The following VRK2 variants were observed in gnomAD, a reference collection of about 807,000 sequenced individuals.
VRK2 encodes VRK serine/threonine kinase 2.
VRK2 carries 60 observed loss-of-function variants against 57.6 expected under a neutral mutation model. The observed-to-expected ratio is 1.04, with a 90% CI of 0.85 to 1.29. The LOEUF (loss-of-function observed/expected upper bound fraction) is 1.29, where lower values mean the gene tolerates loss of function less well. Among genes scored for constraint, VRK2 ranks in the 50% most tolerant of loss-of-function variants. The probability of loss-of-function intolerance (pLI) is 0.00; values close to 1 mark genes in which losing one functional copy is unlikely to be tolerated. For missense variants in VRK2, 705 were observed against 588.1 expected (o/e 1.20, Z -2.06); for synonymous variants, 231 against 199.2 (o/e 1.16, Z -1.35).
chr2:57,955,104 G>C (rs938331906), intron 1 of VRK2, among the ~76,000 whole-genome samples: 7 of 152,144 alleles, frequency 4.6e-5, no homozygotes, highest in African/African-American at 1.7e-4. Context: ...GAATAGGATA[G>C]AAGATATGAG....
intron 1 of VRK2, among the ~76,000 whole-genome samples, chr2:57,962,055 C>A (rs1178463716): frequency 6.6e-6 from 1 of 152,122 alleles, no homozygotes; most frequent in Non-Finnish European, 1.5e-5. Context: ...CCAACCTGGG[C>A]AACAGAGTGA....
At chr2:58,016,114 T>C (rs76590049) in intron 1 of VRK2, among the ~76,000 whole-genome samples, 2,484 of 152,256 alleles carry the variant, frequency 0.016, 74 homozygotes, top group African/African-American at 0.057. Context: ...TCTTTTATCT[T>C]GGGCAAGTTG....
At chr2:57,991,754 T>C (rs1672773550) in intron 1 of VRK2, among the ~76,000 whole-genome samples, 1 of 148,632 alleles carries the variant, frequency 6.7e-6, no homozygotes, top group East Asian at 2.0e-4. Context: ...GAGACTATCC[T>C]GGCCAACATG....
At position 57,978,815 on chromosome 2, in the gene VRK2, A is replaced by G. The variant is rs553501517; in HGVS notation, c.-438-46850A>G. ...GTTCCCTCCCCTCACCCCCGACCCT[A>G]CAACAGGCCCTGGTGTATGTTGTTC... On this transcript the variant is annotated intron_variant, in intron 1 of 15. Coordinates refer to the VRK2 transcript ENST00000417641. 1.3e-3 allele frequency among the ~76,000 whole-genome samples: 192 copies of G among 149,988 alleles called. 1 individual carries two copies. Among genetic ancestry groups the G allele is most frequent in the Non-Finnish European group, 1.7e-3 (117 of 67,826 alleles).
chr2:58,101,317 T>G (rs549033941), intron 7 of VRK2, among the ~76,000 whole-genome samples: 1 of 151,808 alleles, frequency 6.6e-6, no homozygotes, highest in East Asian at 1.9e-4. Flanking sequence ...CACTTTTAAA[T>G]TTTTTATCTA....
At chr2:57,961,190 T>G (rs898387354) in intron 1 of VRK2, among the ~76,000 whole-genome samples, 3 of 152,246 alleles carry the variant, frequency 2.0e-5, no homozygotes, top group African/African-American at 7.2e-5. Context: ...TCTATCATTA[T>G]CATTAGCATA....
intron 7 of VRK2, among the ~76,000 whole-genome samples, chr2:58,113,115 C>G (rs893216480): frequency 3.3e-5 from 5 of 151,982 alleles, no homozygotes; most frequent in African/African-American, 1.2e-4. Context: ...TCCAGACTAG[C>G]CTGGCCAACA....
Position 58,088,323 on chromosome 2 carries a change from G to A in VRK2, c.345-18G>A, listed in dbSNP as rs777623255. Reference sequence around the variant, plus strand: ...TACTTTCTCAGGATGATCTCTTTTTGATGCTTTTTTCTTACAGTTACAGAT... The same window carrying A: ...TACTTTCTCAGGATGATCTCTTTTTAATGCTTTTTTCTTACAGTTACAGAT... On this transcript the variant is annotated intron_variant, in intron 5 of 12. Transcript: ENST00000340157. 6 of 1,528,966 alleles carry A rather than the reference G, an allele frequency of 3.9e-6. No homozygotes were observed. The highest frequency in any genetic ancestry group is 5.4e-6 in the Non-Finnish European group (6 of 1,115,508). The allele number at this position is 1,528,966 out of a possible 1,614,324, so 94.7% of individuals were successfully genotyped here.
intron 1 of VRK2, among the ~76,000 whole-genome samples, chr2:57,968,539 G>T (rs747063912): frequency 1.3e-5 from 2 of 152,064 alleles, no homozygotes; most frequent in Non-Finnish European, 2.9e-5. Flanking sequence ...GTAGTACCTT[G>T]AAAGAAAACA....
intron 1 of VRK2, among the ~76,000 whole-genome samples, chr2:57,999,281 T>C (rs536537424): frequency 1.3e-4 from 20 of 152,332 alleles, no homozygotes; most frequent in Middle Eastern, 3.4e-3. Flanking sequence ...AACAATCAAA[T>C]AGTAGTTCCT....
chr2:58,151,159 A>G, intron 12 of VRK2, among the ~76,000 whole-genome samples: 1 of 151,764 alleles, frequency 6.6e-6, no homozygotes, highest in Admixed American at 6.6e-5. Context: ...TCATTTAATG[A>G]CAAAGGAATG....
intron 7 of VRK2, among the ~76,000 whole-genome samples, chr2:58,112,231 C>T (rs1005644184): frequency 3.9e-5 from 6 of 152,186 alleles, no homozygotes; most frequent in African/African-American, 1.4e-4. Context: ...GGATGCTCAG[C>T]TTTCTTATAT....
chr2:58,113,740 T>A (rs935451090), intron 7 of VRK2, among the ~76,000 whole-genome samples: 1 of 152,104 alleles, frequency 6.6e-6, no homozygotes, highest in Admixed American at 6.5e-5. Flanking sequence ...TGGAATGTCA[T>A]CAGTTAAGGC....
intron 10 of VRK2, among the ~76,000 whole-genome samples, chr2:58,136,871 C>CAT (rs767666272): frequency 0.4 from 49,625 of 124,288 alleles, 12,378 homozygotes; most frequent in African/African-American, 0.74. Context: ...GTATATATAT[C>CAT]ATATATTATA....
intron 5 of VRK2, among the ~76,000 whole-genome samples, chr2:58,086,989 A>T (rs1425096545): frequency 6.6e-6 from 1 of 152,210 alleles, no homozygotes; most frequent in African/African-American, 2.4e-5. Flanking sequence ...TGGTCCTGAG[A>T]GAGGAGAATT....
At chr2:58,130,247 A>G (rs2104531574) in intron 8 of VRK2, among the ~76,000 whole-genome samples, 1 of 152,254 alleles carries the variant, frequency 6.6e-6, no homozygotes, top group African/African-American at 2.4e-5. Context: ...AAATTAGAGG[A>G]TATGAGATTT....
At chr2:57,981,536 G>A (rs1286493547) in intron 1 of VRK2, among the ~76,000 whole-genome samples, 1 of 152,160 alleles carries the variant, frequency 6.6e-6, no homozygotes. Flanking sequence ...ATCTTGTGTA[G>A]TATCTGGCAG....
intron 7 of VRK2, among the ~76,000 whole-genome samples, chr2:58,104,641 A>G (rs767890592): frequency 6.6e-5 from 10 of 151,892 alleles, no homozygotes; most frequent in Non-Finnish European, 1.5e-4. Context: ...GCCCAAAACA[A>G]TCTGCAGATT....
chr2:57,958,552 T>C (rs959186081), intron 1 of VRK2, among the ~76,000 whole-genome samples: 1 of 151,852 alleles, frequency 6.6e-6, no homozygotes, highest in Non-Finnish European at 1.5e-5. Context: ...CTCGAAACGA[T>C]GTTGTTTTCT....
Sources: gnomAD v4.1 joint callset for allele counts (sites outside exome capture counted in the v4.1 genomes callset) on GRCh38, gnomAD v4.1.1 for gene constraint, MANE v1.5 for transcripts, NCBI Gene and HGNC (gene_info 2026-07-23, HGNC 2026-07-21) for gene names.